SPEG: variants seen among roughly 807,000 people sequenced by gnomAD.
SPEG encodes the protein striated muscle enriched protein kinase.
In SPEG, 114 loss-of-function variants were observed where a neutral mutation model predicts 300.4. That is an observed-to-expected ratio of 0.38 (90% CI 0.33 to 0.44). The LOEUF (loss-of-function observed/expected upper bound fraction) is 0.44. SPEG is among the 20% of genes least tolerant of loss of function. The pLI is 1.00. For synonymous variants in SPEG, 1,964 were observed against 2,018.9 expected (o/e 0.97, Z 0.73); for missense variants, 4,201 against 4,586.2 (o/e 0.92, Z 2.43).
In SPEG at chr2:219,481,768, G is replaced by A. The variant is rs1254878744; in HGVS notation, c.5565+88G>A. The A allele has an allele frequency of 7.6e-6, 9 of 1,187,716 alleles. No individual in the cohort carries two copies. Among genetic ancestry groups the A allele is most frequent in the African/African-American group, 1.5e-5 (1 of 66,648 alleles). 73.6% of individuals were successfully genotyped at this position (1,187,716 alleles called of 1,614,324 possible). On this transcript the variant is annotated intron_variant, in intron 28 of 40. Coordinates refer to ENST00000312358, the MANE Select transcript of SPEG (RefSeq NM_005876.5). This position sits in a 1 kb window ranked among gnomAD's most constrained non-coding sequence, Gnocchi z 5.4. ...TCTATTTATTGAGTACCTACTGTGT[G>A]CAGTAACCACGTTAGGCATTGTATG...
In SPEG at chr2:219,465,986, T is replaced by A. The variant is rs372931720; in HGVS notation, c.2882-1188T>A. 6 of 1,323,068 alleles carry A rather than the reference T, an allele frequency of 4.5e-6. No individual in the cohort carries two copies. In the African/African-American group the frequency reaches 7.1e-5, roughly 16 times the overall value. The allele number at this position is 1,323,068 out of a possible 1,614,324, so 82.0% of individuals were successfully genotyped here. On this transcript the variant is annotated intron_variant, in intron 9 of 40. Transcript: ENST00000312358. ...GTGCATGCGTGTGTGTGCATGTGTG[T>A]GTGTGCGCGTGCGTGCGCGTATGCT... is the stretch of plus-strand genomic sequence containing the variant.
In SPEG at chr2:219,473,006, G is replaced by A; in HGVS notation, c.4057G>A (p.Val1353Ile). ...GGCAGCCACAGGGCTGCGTAAGGGGGTCCAGCACATCTTCCGGGTCCTCAG... is the reference window on the plus strand; with the variant it reads ...GGCAGCCACAGGGCTGCGTAAGGGGATCCAGCACATCTTCCGGGTCCTCAG... ...GWAATGLRKG[V>I]QHIFRVLSTT... The change falls in exon 16 of 41, where the codon GTC becomes ATC. Residue 1353 changes from valine to isoleucine, a missense_variant. Transcript: ENST00000312358. The surrounding 1 kb of genome is among the most constrained non-coding windows in gnomAD (Gnocchi z 4.6). 6.2e-7 allele frequency: 1 copy of A among 1,614,012 alleles called. No individual in the cohort carries two copies. Among genetic ancestry groups the A allele is most frequent in the Non-Finnish European group, 8.5e-7 (1 of 1,180,026 alleles).
chr2:219,457,942 C>A (rs901000519), intron 6 of SPEG, among the ~76,000 whole-genome samples: 7 of 152,196 alleles, frequency 4.6e-5, no homozygotes, highest in Admixed American at 4.6e-4. Context: ...TTTCCCTGGG[C>A]CAAAAGTCAT....
rs761489921 is a variant in SPEG at position 219,488,813 on chromosome 2, C to T, written c.8062C>T (p.Gln2688Ter). ...AAAGCTAGCTCCTCCAGAGGTACCC[C>T]AGACCTACCAGGACACGGCGCTGGT... ...PGKLAPPEVPQTYQDTALVLW... is the reference protein window; with the variant it reads ...PGKLAPPEVP Residue 2688 changes from glutamine to a stop codon, truncating the protein, a stop_gained, in exon 34 of 41, where the codon CAG (glutamine) becomes TAG (stop). Transcript: ENST00000312358. LOFTEE classifies it high-confidence loss of function. 1 of 1,598,104 alleles carries T rather than the reference C, an allele frequency of 6.3e-7. No homozygotes were observed. The highest frequency in any genetic ancestry group is 8.5e-7 in the Non-Finnish European group (1 of 1,171,134).
At chr2:219,466,407 CCTGT>C in intron 9 of SPEG, 21 of 1,325,362 alleles carry the variant, frequency 1.6e-5, no homozygotes, top group Non-Finnish European at 1.9e-5. Flanking sequence ...CTGCTACAGG[CCTGT>C]CTATCTGTTT....
In SPEG at chr2:219,468,999, T is replaced by A. The variant is rs1691629925; in HGVS notation, c.3442T>A (p.Ser1148Thr). 1 of 1,613,830 alleles carries A rather than the reference T, an allele frequency of 6.2e-7. No individual in the cohort carries two copies. The stretch of plus-strand genomic sequence containing the variant: ...TAACACCCATGGCCAGGCCCACTGC[T>A]CAGCCCAGCTGTATGTAGAAGAGCC... ...AVNTHGQAHC[S>T]AQLYVEEPRT... The change falls in exon 12 of 41, where the codon TCA becomes ACA. Residue 1148 changes from serine to threonine, a missense_variant. This residue lies in a region of SPEG where 1,047 missense variants were observed against 1,356.8 expected (regional missense o/e 0.77). Coordinates refer to ENST00000312358, the MANE Select transcript of SPEG (RefSeq NM_005876.5).
chr2:219,467,501 G>A lies in SPEG; in HGVS notation c.3142+67G>A, dbSNP rs2125457780. 1.4e-5 allele frequency: 22 copies of A among 1,526,510 alleles called. No individual in the cohort carries two copies. The South Asian group carries it at 2.1e-4, about 15-fold the overall frequency. The allele number at this position is 1,526,510 out of a possible 1,614,324, so 94.6% of individuals were successfully genotyped here. ...GAGCTGGAGGGAGGGGACTGGGGGT[G>A]TACAGTAAGATGCCTGGGAAACAGA... On this transcript the variant is annotated intron_variant, in intron 10 of 40. Transcript: ENST00000312358.
chr2:219,485,456 C>A lies in SPEG; in HGVS notation c.7720C>A (p.Gln2574Lys), dbSNP rs990939336. 1 of 1,598,476 alleles carries A rather than the reference C, an allele frequency of 6.3e-7. No homozygotes were observed. Among genetic ancestry groups the A allele is most frequent in the Non-Finnish European group, 8.5e-7 (1 of 1,171,904 alleles). Reference protein sequence around the residue: ...SASVQEELGHQYVRSESDFPP... With the variant: ...SASVQEELGHKYVRSESDFPP... ...CAGCGTCCAGGAGGAGTTGGGTCAC[C>A]AGTACGTGCGCAGTGAGTCAGGTAA... Residue 2574 changes from glutamine to lysine, a missense_variant, in exon 31 of 41, where the codon CAG (glutamine) becomes AAG (lysine). Gln to Lys is a moderately conservative substitution (Grantham distance 53, BLOSUM62 1). Coordinates refer to ENST00000312358, the MANE Select transcript of SPEG (RefSeq NM_005876.5).
At position 219,489,947 on chromosome 2, in the gene SPEG, G is replaced by T. The variant is rs1200290643; in HGVS notation, c.8921+8G>T. The T allele has an allele frequency of 9.0e-6, 14 of 1,556,022 alleles. No homozygotes were observed. Among genetic ancestry groups the T allele is most frequent in the Non-Finnish European group, 1.2e-5 (14 of 1,147,220 alleles). On this transcript the variant is annotated splice_region_variant and intron_variant, in intron 36 of 40. Transcript: ENST00000312358. ...CCTGGAGGAGAAAGCCAGGCAAGCA[G>T]GGCTGGGGAAGGGAAGAGGACAGAG...
rs1205163085 is a variant in SPEG at position 219,484,281 on chromosome 2, A to C, written c.6818A>C (p.Lys2273Thr). The C allele has an allele frequency of 6.2e-7, 1 of 1,608,290 alleles. No homozygotes were observed. Among genetic ancestry groups the C allele is most frequent in the Non-Finnish European group, 8.5e-7 (1 of 1,179,550 alleles). The change falls in exon 30 of 41, where the codon AAG (lysine) becomes ACG (threonine). Residue 2273 changes from lysine to threonine, a missense_variant. Transcript: ENST00000312358. ...CCTGCCGCGCCGCCTTCAGAGCCCA[A>C]GCCCCACGCTGCTGTCTTTGCCAGG... The part of the protein sequence containing the change: ...QGPAAPPSEP[K>T]PHAAVFARVA...
Position 219,444,110 on chromosome 2 carries a change from C to G in SPEG, c.389-543C>G. The G allele has an allele frequency of 1.6e-6, 2 of 1,281,854 alleles. No individual in the cohort carries two copies. Among genetic ancestry groups the G allele is most frequent in the Non-Finnish European group, 2.1e-6 (2 of 958,592 alleles). 79.4% of individuals were successfully genotyped at this position (1,281,854 alleles called of 1,614,324 possible). A position where few individuals can be genotyped will look rare whatever the true frequency, so the allele number is the denominator to read the frequency against. On this transcript the variant is annotated intron_variant, in intron 1 of 40. Transcript: ENST00000312358. The surrounding 1 kb of genome is among the most constrained non-coding windows in gnomAD (Gnocchi z 7.8). ...CCCCCGCATCCCCCCCTTTCCCACC[C>G]GGCCCCGGCCTCTCCTCACCCTGCC...
rs749784967 is a variant in SPEG, at chr2:219,467,227, G to T, written c.2935G>T (p.Val979Leu). The T allele has an allele frequency of 3.1e-6, 5 of 1,601,766 alleles. No homozygotes were observed. The highest frequency in any genetic ancestry group is 1.1e-5 in the South Asian group (1 of 90,882). The change falls in exon 10 of 41, where the codon GTG (valine) becomes TTG (leucine). Residue 979 changes from valine (V) to leucine (L), a missense_variant. By Grantham distance (32) the Val-to-Leu change is conservative (BLOSUM62 1). Coordinates refer to ENST00000312358, the MANE Select transcript of SPEG (RefSeq NM_005876.5). ...AVLAPLQDVD[V>L]GAGEMALFEC... is the part of the protein sequence containing the mutation. Reference sequence around the variant, plus strand: ...GCTGGCCCCCCTGCAGGACGTGGACGTGGGGGCCGGGGAGATGGCGCTGTT... The same window carrying T: ...GCTGGCCCCCCTGCAGGACGTGGACTTGGGGGCCGGGGAGATGGCGCTGTT...
rs1229119750 is a variant in SPEG at position 219,444,005 on chromosome 2, T to A, written c.389-648T>A. ...TGATAACAGTCTGTCCCTGTCTCTC[T>A]CCTGCTGCTCCTATGGAAGCGAAGT... On this transcript the variant is annotated intron_variant, in intron 1 of 40. Coordinates refer to ENST00000312358, the MANE Select transcript of SPEG (RefSeq NM_005876.5). This position sits in a 1 kb window ranked among gnomAD's most constrained non-coding sequence, Gnocchi z 7.8. The A allele has an allele frequency of 2.2e-6, 3 of 1,364,360 alleles. No homozygotes were observed. The Admixed American group carries it at 5.7e-5, about 26-fold the overall frequency. 84.5% of individuals were successfully genotyped at this position (1,364,360 alleles called of 1,614,324 possible).
intron 1 of SPEG, 90 bp downstream of exon 1, chr2:219,435,455 T>C (rs1954692490): frequency 2.3e-6 from 3 of 1,320,742 alleles, no homozygotes; most frequent in Non-Finnish European, 3.0e-6. Context: ...AGGTACTGGA[T>C]ACTGGTTCCG....
chr2:219,462,980 G>A (rs1690872318), intron 8 of SPEG, among the ~76,000 whole-genome samples: 1 of 152,280 alleles, frequency 6.6e-6, no homozygotes, highest in East Asian at 1.9e-4. Flanking sequence ...GGCCAAGGAA[G>A]GAGGATTGCT....
chr2:219,485,585 G>A, intron 31 of SPEG, 108 bp downstream of exon 31: 1 of 1,152,396 alleles, frequency 8.7e-7, no homozygotes, highest in South Asian at 1.7e-5. Context: ...GACAAACCTA[G>A]TGGAAGGGGT....
In SPEG at chr2:219,448,561, G is replaced by C; in HGVS notation, c.1403G>C (p.Arg468Pro). 2 of 1,448,538 alleles carry C rather than the reference G, an allele frequency of 1.4e-6. No individual in the cohort carries two copies. The highest frequency in any genetic ancestry group is 1.8e-6 in the Non-Finnish European group (2 of 1,108,920). 89.7% of individuals were successfully genotyped at this position (1,448,538 alleles called of 1,614,324 possible). A position where few individuals can be genotyped will look rare whatever the true frequency, so the allele number is the denominator to read the frequency against. The change falls in exon 4 of 41, where the codon CGC becomes CCC. Residue 468 changes from arginine to proline, a missense_variant. Arg to Pro is a moderately radical substitution (Grantham distance 103, BLOSUM62 -2). Transcript: ENST00000312358. The stretch of plus-strand genomic sequence containing the variant: ...CCAGGCAGCGTGGCCGAGCGGCGCC[G>C]CCTGTTCCAGCAGAAAGCGGCCTCG... ...RAPGSVAERR[R>P]LFQQKAASLD...
chr2:219,483,432 A>G lies in SPEG; in HGVS notation c.5969A>G (p.Glu1990Gly). The G allele has an allele frequency of 6.4e-7, 1 of 1,562,328 alleles. No individual in the cohort carries two copies. Among genetic ancestry groups the G allele is most frequent in the East Asian group, 2.3e-5 (1 of 43,376 alleles). The change falls in exon 30 of 41, where the codon GAG (glutamate) becomes GGG (glycine). Residue 1990 changes from glutamate to glycine, a missense_variant. Physicochemically the swap from Glu to Gly is moderately conservative, Grantham distance 98. Around this residue, in one of 4 missense-constraint regions of SPEG, gnomAD observed 1,578 missense variants for 1,506.0 expected, o/e 1.05. Transcript: ENST00000312358. ...CAGGACCAGGAGGCTCCCAGCCCAGAGGCCCTCCCCTCCCCAGGCCAGGAG... is the reference window on the plus strand; with the variant it reads ...CAGGACCAGGAGGCTCCCAGCCCAGGGGCCCTCCCCTCCCCAGGCCAGGAG... ...PSQDQEAPSP[E>G]ALPSPGQEPA...
rs757472019 is a variant in SPEG, at chr2:219,490,370, C to G, written c.8922-39C>G. 3.1e-6 allele frequency: 5 copies of G among 1,590,310 alleles called. No individual in the cohort carries two copies. In the South Asian group the frequency reaches 4.5e-5, roughly 14 times the overall value. ...CTCACTATGGAAGTGTCCCCCTCCT[C>G]TCCTCTGAGCCGGTGGTGTCCCTCC... On this transcript the variant is annotated intron_variant, in intron 36 of 40. Transcript: ENST00000312358.
Sources: gnomAD v4.1 joint callset for allele counts (sites outside exome capture counted in the v4.1 genomes callset) on GRCh38, gnomAD v4.1.1 for gene constraint, gnomAD v4.1.1 regional missense constraint, Gnocchi (gnomAD v3.1) non-coding constraint, MANE v1.5 for transcripts, NCBI Gene and HGNC (gene_info 2026-07-23, HGNC 2026-07-21) for gene names.